Variants in ERICH3 observed in about 807,000 individuals in gnomAD.
The protein encoded by ERICH3 is glutamate-rich protein 3.
ERICH3 carries 126 observed loss-of-function variants against 131.1 expected under a neutral mutation model. That is an observed-to-expected ratio of 0.96 (90% CI 0.83 to 1.11). The LOEUF (loss-of-function observed/expected upper bound fraction) is 1.11, where lower values mean the gene tolerates loss of function less well. Ranked by LOEUF, ERICH3 falls within the 50% of genes most tolerant of loss-of-function variation. ERICH3 has a pLI of 0.00. For synonymous variants in ERICH3, 695 were observed against 644.6 expected, an observed-to-expected ratio of 1.08 and a Z score of -1.18; for missense variants, 2,050 against 1,810.7, an observed-to-expected ratio of 1.13 and a Z score of -2.40.
intron 4 of ERICH3, among the ~76,000 whole-genome samples, chr1:74,642,506 A>C (rs1049038861): frequency 7.9e-5 from 12 of 152,146 alleles, no homozygotes; most frequent in African/African-American, 2.9e-4. Flanking sequence ...ACTGCAAAGA[A>C]GATATATTTA....
At chr1:74,652,856 C>G (rs529815018) in intron 1 of ERICH3, among the ~76,000 whole-genome samples, 1 of 152,282 alleles carries the variant, frequency 6.6e-6, no homozygotes, top group African/African-American at 2.4e-5. Flanking sequence ...ACAAGACTAT[C>G]TACCCATCCC....
At chr1:74,595,949 C>T (rs921523055) in intron 11 of ERICH3, among the ~76,000 whole-genome samples, 9 of 152,002 alleles carry the variant, frequency 5.9e-5, no homozygotes, top group Non-Finnish European at 1.3e-4. Context: ...ATCCAAGAAG[C>T]AGATACATTA....
At position 74,599,757 on chromosome 1, in the gene ERICH3, C is replaced by T. The variant is rs696698; in HGVS notation, c.1664G>A (p.Arg555His). 0.045 allele frequency: 72,244 copies of T among 1,611,980 alleles called. 2,416 individuals are homozygous for T. The highest frequency in any genetic ancestry group is 0.12 in the South Asian group (11,097 of 90,930). The change falls in exon 11 of 15, where the codon CGT becomes CAT. Residue 555 changes from arginine (R) to histidine (H), a missense_variant. Transcript: ENST00000326665. ...ATCATTCTCATCTTTCACATTGTCACGGGCATCTGGTGCCTTCTGTGATGA... is the reference window on the plus strand; with the variant it reads ...ATCATTCTCATCTTTCACATTGTCATGGGCATCTGGTGCCTTCTGTGATGA... The part of the protein sequence containing the change: ...ETSSQKAPDA[R>H]DNVKDENDGC...
intron 11 of ERICH3, among the ~76,000 whole-genome samples, chr1:74,594,523 A>C (rs1277427105): frequency 6.6e-6 from 1 of 152,076 alleles, no homozygotes; most frequent in African/African-American, 2.4e-5. Flanking sequence ...ACATATCGAG[A>C]ACTTCCTATG....
intron 12 of ERICH3, chr1:74,579,752 A>G (rs1048220640): frequency 1.0e-6 from 1 of 985,368 alleles, no homozygotes. Flanking sequence ...AATGTGACAT[A>G]TCACTTTGTT....
intron 10 of ERICH3, among the ~76,000 whole-genome samples, chr1:74,600,210 A>C (rs2100578270): frequency 6.6e-6 from 1 of 152,032 alleles, no homozygotes; most frequent in Admixed American, 6.6e-5. Context: ...ATCTAAAATA[A>C]CCAAAATGGA....
chr1:74,637,275 G>GGAGCCACC (rs1646397778), intron 5 of ERICH3, among the ~76,000 whole-genome samples: 1 of 151,966 alleles, frequency 6.6e-6, no homozygotes, highest in African/African-American at 2.4e-5. Context: ...CTCTACCAAA[G>GGAGCCACC]TCCACAGCTT....
At chr1:74,662,285 TC>T (rs1646649516) in intron 1 of ERICH3, among the ~76,000 whole-genome samples, 9 of 152,172 alleles carry the variant, frequency 5.9e-5, no homozygotes, top group Admixed American at 5.9e-4. Flanking sequence ...AAGGTTTTAT[TC>T]TGGAAGATTC....
intron 1 of ERICH3, among the ~76,000 whole-genome samples, chr1:74,668,165 T>C (rs958541368): frequency 2.6e-5 from 4 of 152,162 alleles, no homozygotes; most frequent in African/African-American, 9.7e-5. Flanking sequence ...AATGGGCCAA[T>C]AGAATTGTTT....
chr1:74,643,822 T>C (rs2100637045), intron 3 of ERICH3, among the ~76,000 whole-genome samples: 1 of 152,176 alleles, frequency 6.6e-6, no homozygotes, highest in South Asian at 2.1e-4. Context: ...GACACTAGCT[T>C]CCTGTTTTTC....
At chr1:74,611,572 T>C (rs951973347) in intron 9 of ERICH3, among the ~76,000 whole-genome samples, 6 of 152,138 alleles carry the variant, frequency 3.9e-5, no homozygotes, top group Non-Finnish European at 8.8e-5. Flanking sequence ...GCAATGACCA[T>C]AGGACTCTAC....
chr1:74,605,552 C>T (rs1268246213), intron 10 of ERICH3, among the ~76,000 whole-genome samples: 1 of 151,440 alleles, frequency 6.6e-6, no homozygotes, highest in African/African-American at 2.4e-5. Context: ...TTCACTTGAA[C>T]ATTTAGAGTG....
intron 11 of ERICH3, among the ~76,000 whole-genome samples, chr1:74,591,072 A>G (rs554092771): frequency 1.8e-4 from 28 of 152,278 alleles, no homozygotes; most frequent in African/African-American, 6.7e-4. Flanking sequence ...ATCTTGGTAT[A>G]TGGACACAGT....
At chr1:74,615,226 T>C (rs959294360) in intron 8 of ERICH3, 7 of 152,206 alleles carry the variant, frequency 4.6e-5, no homozygotes, top group African/African-American at 1.7e-4. Flanking sequence ...CCATCCTGAC[T>C]TGATGATTTC....
chr1:74,622,604 A>G (rs1041473063), intron 7 of ERICH3: 1 of 152,234 alleles, frequency 6.6e-6, no homozygotes, highest in Non-Finnish European at 1.5e-5. Flanking sequence ...TGATTAAATA[A>G]AAGCATCCCC....
At chr1:74,589,601 A>T in intron 12 of ERICH3, 30 bp downstream of exon 12, 1 of 1,598,602 alleles carries the variant, frequency 6.3e-7, no homozygotes, top group South Asian at 1.1e-5. Context: ...CATGAGGATG[A>T]TGGCAGCTCA....
chr1:74,664,830 C>A (rs1215009784), intron 1 of ERICH3, among the ~76,000 whole-genome samples: 1 of 152,186 alleles, frequency 6.6e-6, no homozygotes, highest in Non-Finnish European at 1.5e-5. Flanking sequence ...ACTAATCAGA[C>A]TTAACAGTTC....
At chr1:74,614,774 G>A (rs1045578258) in intron 8 of ERICH3, among the ~76,000 whole-genome samples, 2 of 152,042 alleles carry the variant, frequency 1.3e-5, no homozygotes, top group Non-Finnish European at 2.9e-5. Flanking sequence ...TATTTCTGAT[G>A]TAAAATTAAA....
chr1:74,599,512 A>G (rs189825114), intron 11 of ERICH3, among the ~76,000 whole-genome samples, 183 bp downstream of exon 11: 102 of 152,034 alleles, frequency 6.7e-4, no homozygotes, highest in Non-Finnish European at 1.2e-3. Flanking sequence ...AACGTGTACG[A>G]CGAACCCCCA....
Sources: gnomAD v4.1 joint callset for allele counts (sites outside exome capture counted in the v4.1 genomes callset) on GRCh38, gnomAD v4.1.1 for gene constraint, MANE v1.5 for transcripts, NCBI Gene and HGNC (gene_info 2026-07-23, HGNC 2026-07-21) for gene names.